Variants in ARHGAP29 observed in about 807,000 individuals in gnomAD.
ARHGAP29 encodes the protein rho GTPase-activating protein 29.
ARHGAP29 carries 43 observed loss-of-function variants against 122.6 expected under a neutral mutation model. That is an observed-to-expected ratio of 0.35 (90% CI 0.27 to 0.45). The LOEUF (loss-of-function observed/expected upper bound fraction) is 0.45, where lower values mean the gene tolerates loss of function less well. Ranked by LOEUF, ARHGAP29 falls within the 20% of genes least tolerant of loss-of-function variation. The probability of loss-of-function intolerance (pLI) is 1.00; values close to 1 mark genes in which losing one functional copy is unlikely to be tolerated. For missense variants in ARHGAP29, 1,303 were observed against 1,477.2 expected, an observed-to-expected ratio of 0.88 and a Z score of 1.93; for synonymous variants, 506 against 497.1, an observed-to-expected ratio of 1.02 and a Z score of -0.24.
chr1:94,296,048 C>G, the ARHGAP29 span, among the ~76,000 whole-genome samples: 7 of 152,114 alleles, frequency 4.6e-5, no homozygotes, highest in African/African-American at 9.7e-5. Flanking sequence ...TAGTAGTTCC[C>G]CTTATCCATG....
At chr1:94,206,785 A>G (rs1326383040) in intron 5 of ARHGAP29, among the ~76,000 whole-genome samples, 2 of 151,910 alleles carry the variant, frequency 1.3e-5, no homozygotes, top group African/African-American at 4.8e-5. Context: ...GGTCCCAGCT[A>G]CTTGGGAGGC....
At chr1:94,287,418 C>CT in the ARHGAP29 span, among the ~76,000 whole-genome samples, 1 of 152,100 alleles carries the variant, frequency 6.6e-6, no homozygotes, top group Non-Finnish European at 1.5e-5. Flanking sequence ...TTTGCTTCCC[C>CT]TTTCCCTTCC....
intron 1 of ARHGAP29, among the ~76,000 whole-genome samples, chr1:94,267,431 AT>A (rs1654814521): frequency 1.3e-5 from 2 of 152,040 alleles, no homozygotes; most frequent in Non-Finnish European, 2.9e-5. Context: ...TCCTATTTTC[AT>A]TTTTCTTTCT....
At chr1:94,180,938 T>G (rs1649415473) in intron 19 of ARHGAP29, among the ~76,000 whole-genome samples, 1 of 152,184 alleles carries the variant, frequency 6.6e-6, no homozygotes, top group Non-Finnish European at 1.5e-5. Flanking sequence ...TCAAAGGTAT[T>G]TGGCCTCCAT....
intron 1 of ARHGAP29, among the ~76,000 whole-genome samples, chr1:94,261,063 T>C (rs1223115340): frequency 6.6e-6 from 1 of 152,136 alleles, no homozygotes; most frequent in East Asian, 1.9e-4. Flanking sequence ...AACCAGGCCA[T>C]GAAACCACCA....
chr1:94,214,176 G>C (rs967121632), intron 3 of ARHGAP29, among the ~76,000 whole-genome samples: 12 of 152,154 alleles, frequency 7.9e-5, no homozygotes, highest in African/African-American at 2.9e-4. Flanking sequence ...AAGCAAAACA[G>C]CATATTATTG....
At position 94,170,197 on chromosome 1, in the gene ARHGAP29, A is replaced by C. The variant is rs1294407128; in HGVS notation, c.*3672T>G. On this transcript the variant is annotated 3_prime_UTR_variant, in exon 23 of 23. Transcript: ENST00000260526. ...ACAATGGAGAAACCTGGTATATACT[A>C]TCTGAACCAAGTGACCAAAATTAAT... Among the ~76,000 whole-genome samples the C allele has an allele frequency of 6.6e-6, 1 of 152,240 alleles. No homozygotes were observed. The highest frequency in any genetic ancestry group is 2.1e-4 in the South Asian group (1 of 4,830).
Position 94,174,649 on chromosome 1 carries a change from T to C in ARHGAP29, c.3006A>G (p.Ser1002=). Reference sequence around the variant, plus strand: ...GAGTATGCCTCTCCACATTGTTTGTTGACCTATCAGATTTCAGAGAAAGTG... The same window carrying C: ...GAGTATGCCTCTCCACATTGTTTGTCGACCTATCAGATTTCAGAGAAAGTG... ...PKPLSLKSDR[S]TNNVERHTPR... is the part of the protein sequence containing the mutation. Residue 1002 remains serine, a synonymous_variant, in exon 23 of 23, where the codon TCA becomes TCG. Transcript: ENST00000260526. 6.2e-7 allele frequency: 1 copy of C among 1,614,126 alleles called. No individual in the cohort carries two copies. The highest frequency in any genetic ancestry group is 2.2e-5 in the East Asian group (1 of 44,880).
intron 1 of ARHGAP29, 124 bp from the exon 2 acceptor site, chr1:94,231,767 TATTTTTAA>T: frequency 3.0e-6 from 2 of 670,984 alleles, no homozygotes; most frequent in Non-Finnish European, 4.9e-6. Flanking sequence ...CTTGGTATCC[TATTTTTAA>T]ATTTTTAAAA....
intron 12 of ARHGAP29, among the ~76,000 whole-genome samples, chr1:94,197,490 A>G (rs1216218203): frequency 6.6e-6 from 1 of 152,234 alleles, no homozygotes; most frequent in African/African-American, 2.4e-5. Flanking sequence ...ACAAAATAGG[A>G]GGAAGCACTT....
chr1:94,187,030 C>G (rs1389594358), intron 15 of ARHGAP29, among the ~76,000 whole-genome samples: 1 of 152,132 alleles, frequency 6.6e-6, no homozygotes, highest in Non-Finnish European at 1.5e-5. Context: ...CTACAACATA[C>G]AAAAATCTTT....
the ARHGAP29 span, among the ~76,000 whole-genome samples, chr1:94,311,079 C>T: frequency 2.6e-5 from 4 of 152,318 alleles, no homozygotes; most frequent in South Asian, 2.1e-4. Flanking sequence ...TGGCAACAAG[C>T]GCCTACAAGG....
At position 94,185,330 on chromosome 1, in the gene ARHGAP29, C is replaced by T; in HGVS notation, c.1920+12G>A. 6.4e-7 allele frequency: 1 copy of T among 1,562,472 alleles called. No individual in the cohort carries two copies. The highest frequency in any genetic ancestry group is 8.6e-7 in the Non-Finnish European group (1 of 1,158,302). On this transcript the variant is annotated intron_variant, in intron 17 of 22. Coordinates refer to ENST00000260526, the MANE Select transcript of ARHGAP29 (RefSeq NM_004815.4). ...GCATAAAAGGGTCAACACAATTCCA[C>T]AAAGATCTTACCTCTTCACATTCAA...
chr1:94,298,733 A>G, the ARHGAP29 span, among the ~76,000 whole-genome samples: 1 of 152,228 alleles, frequency 6.6e-6, no homozygotes, highest in South Asian at 2.1e-4. Context: ...AAGATGGAAA[A>G]GTAGAAGAGT....
At chr1:94,236,170 G>C (rs148751482) in intron 1 of ARHGAP29, among the ~76,000 whole-genome samples, 302 of 152,304 alleles carry the variant, frequency 2.0e-3, no homozygotes, top group African/African-American at 7.0e-3. Flanking sequence ...ACAGAATAGG[G>C]ACATGTGAGA....
intron 15 of ARHGAP29, among the ~76,000 whole-genome samples, chr1:94,188,333 A>G (rs1034802421): frequency 2.6e-5 from 4 of 152,200 alleles, no homozygotes; most frequent in African/African-American, 7.2e-5. Context: ...CCAAAATAAC[A>G]TTGTTTACTA....
At chr1:94,301,049 C>T in the ARHGAP29 span, among the ~76,000 whole-genome samples, 2 of 152,192 alleles carry the variant, frequency 1.3e-5, no homozygotes, top group East Asian at 3.9e-4. Context: ...AGTCTGGACT[C>T]CTGGGAGTAC....
chr1:94,247,940 T>C (rs1653893253), intron 1 of ARHGAP29: 2 of 153,234 alleles, frequency 1.3e-5, no homozygotes, highest in East Asian at 3.9e-4. Flanking sequence ...CCCTTTTGAC[T>C]TGCAGCAGGG....
rs759393451 is a variant in ARHGAP29 at position 94,231,521 on chromosome 1, G to A, written c.91C>T (p.Leu31Phe). 6.2e-6 allele frequency: 10 copies of A among 1,613,802 alleles called. No homozygotes were observed. The highest frequency in any genetic ancestry group is 6.8e-6 in the Non-Finnish European group (8 of 1,179,770). Residue 31 changes from leucine (L) to phenylalanine (F), a missense_variant, in exon 2 of 23, where the codon CTC becomes TTC. Leu to Phe is a conservative substitution (Grantham distance 22). Around this residue, in one of 3 missense-constraint regions of ARHGAP29, gnomAD observed 592 missense variants for 648.2 expected, o/e 0.91. Coordinates refer to ENST00000260526, the MANE Select transcript of ARHGAP29 (RefSeq NM_004815.4). Reference protein sequence around the residue: ...STDITTSEMGLKSLSSNSIFD... With the variant: ...STDITTSEMGFKSLSSNSIFD... ...ATAGAGTTGGAACTTAAGGACTTGA[G>A]CCCCATTTCAGAAGTTGTAATATCA... is the stretch of plus-strand genomic sequence containing the variant.
Sources: allele counts gnomAD v4.1 joint callset (sites outside exome capture counted in the v4.1 genomes callset), GRCh38; gene constraint gnomAD v4.1.1; regional missense constraint gnomAD v4.1.1; transcripts MANE v1.5; gene names NCBI Gene and HGNC (gene_info 2026-07-23, HGNC 2026-07-21).